PDE7B: variants seen among roughly 807,000 people sequenced by gnomAD.
PDE7B encodes phosphodiesterase 7B.
Under a neutral mutation model 56.2 loss-of-function variants are expected in PDE7B, and 29 were observed. The observed-to-expected ratio is 0.52, with a 90% confidence interval of 0.38 to 0.70. The LOEUF (loss-of-function observed/expected upper bound fraction) is 0.70. PDE7B is among the 30% of genes least tolerant of loss of function. PDE7B has a pLI of 0.00. For missense variants in PDE7B, 490 were observed against 565.0 expected (o/e 0.87, Z 1.35); for synonymous variants, 197 against 196.9 (o/e 1.00, Z 0.00).
At chr6:136,123,651 A>T (rs1008361995) in intron 3 of PDE7B, among the ~76,000 whole-genome samples, 2 of 152,246 alleles carry the variant, frequency 1.3e-5, no homozygotes, top group African/African-American at 4.8e-5. Flanking sequence ...CTCCTAACAC[A>T]AAAGCTATTT....
intron 9 of PDE7B, among the ~76,000 whole-genome samples, chr6:136,176,345 A>G (rs1212559034): frequency 1.3e-5 from 2 of 152,138 alleles, no homozygotes; most frequent in African/African-American, 4.8e-5. Context: ...ATAAAATATC[A>G]ACCATAATCC....
chr6:135,920,584 T>C (rs1422647060), intron 1 of PDE7B, among the ~76,000 whole-genome samples: 1 of 152,134 alleles, frequency 6.6e-6, no homozygotes, highest in African/African-American at 2.4e-5. Context: ...TAGAGCAAAG[T>C]CTCCATGAGT....
At chr6:136,183,204 C>A (rs1251669383) in intron 11 of PDE7B, among the ~76,000 whole-genome samples, 1 of 151,998 alleles carries the variant, frequency 6.6e-6, no homozygotes, top group Non-Finnish European at 1.5e-5. Flanking sequence ...ATGTACCTTC[C>A]TCTGGCATGT....
rs563022552 is a variant in PDE7B at position 136,082,332 on chromosome 6, TCAAA to T, written c.83-26396_83-26393del. 9.9e-5 allele frequency among the ~76,000 whole-genome samples: 15 copies of T among 152,184 alleles called. No individual in the cohort carries two copies. In the East Asian group the frequency reaches 1.5e-3, roughly 16 times the overall value. The stretch of plus-strand genomic sequence containing the variant: ...GCTGCAGTTACGGCACTTGAGGAGG[TCAAA>T]CAGTCCCTGTTGGAGAGACTGGAGA... On this transcript the variant is annotated intron_variant, in intron 2 of 12. Transcript: ENST00000308191.
chr6:136,168,752 C>T (rs573366295), intron 8 of PDE7B, among the ~76,000 whole-genome samples: 50 of 152,230 alleles, frequency 3.3e-4, no homozygotes, highest in African/African-American at 8.7e-4. Flanking sequence ...TCCCCCAAGA[C>T]GACCTAAATC....
At chr6:135,999,390 T>C (rs1775627364) in intron 2 of PDE7B, among the ~76,000 whole-genome samples, 1 of 152,070 alleles carries the variant, frequency 6.6e-6, no homozygotes, top group South Asian at 2.1e-4. Flanking sequence ...ACCCAATAGA[T>C]ACTTTTTTTT....
intron 1 of PDE7B, among the ~76,000 whole-genome samples, chr6:135,872,183 T>C (rs1025878924): frequency 6.6e-6 from 1 of 152,200 alleles, no homozygotes; most frequent in African/African-American, 2.4e-5. Context: ...GCAAGTTATC[T>C]TATGTAAATA....
At chr6:136,156,697 A>G (rs1366566262) in intron 8 of PDE7B, among the ~76,000 whole-genome samples, 1 of 152,182 alleles carries the variant, frequency 6.6e-6, no homozygotes, top group Admixed American at 6.5e-5. Flanking sequence ...TACCATACAG[A>G]TATCTTCAGT....
chr6:136,188,089 T>G (rs1779169211), intron 12 of PDE7B, among the ~76,000 whole-genome samples: 1 of 151,936 alleles, frequency 6.6e-6, no homozygotes, highest in African/African-American at 2.4e-5. Context: ...AAGCTGAAAA[T>G]TAAGAAAACC....
chr6:135,923,576 A>G (rs993626396), intron 1 of PDE7B, among the ~76,000 whole-genome samples: 9 of 152,200 alleles, frequency 5.9e-5, no homozygotes, highest in Non-Finnish European at 1.3e-4. Context: ...CCAATCTCAG[A>G]TAAAACATAA....
intron 1 of PDE7B, among the ~76,000 whole-genome samples, chr6:135,885,014 G>T (rs1010806370): frequency 2.0e-5 from 3 of 152,176 alleles, no homozygotes; most frequent in Non-Finnish European, 2.9e-5. Context: ...AAAGCCAGGG[G>T]GATTTCCATG....
At chr6:135,875,897 T>A (rs1479014999) in intron 1 of PDE7B, among the ~76,000 whole-genome samples, 1 of 152,208 alleles carries the variant, frequency 6.6e-6, no homozygotes, top group Non-Finnish European at 1.5e-5. Context: ...GACTTTGTGG[T>A]CATCTGTTAT....
chr6:135,944,531 A>G (rs1297895779), intron 1 of PDE7B, among the ~76,000 whole-genome samples: 1 of 152,188 alleles, frequency 6.6e-6, no homozygotes, highest in East Asian at 1.9e-4. Context: ...GCAATTTCCC[A>G]GACCTCCAGG....
chr6:135,920,073 G>T (rs1161172227), intron 1 of PDE7B, among the ~76,000 whole-genome samples: 1 of 152,034 alleles, frequency 6.6e-6, no homozygotes, highest in Non-Finnish European at 1.5e-5. Flanking sequence ...AGATAATGTT[G>T]AAACATTCAG....
intron 2 of PDE7B, among the ~76,000 whole-genome samples, chr6:135,985,212 A>G (rs4075416): frequency 0.48 from 72,731 of 151,800 alleles, 18,199 homozygotes; most frequent in African/African-American, 0.62. Flanking sequence ...AATGCCACTG[A>G]GGGAAAAAAA....
At chr6:136,144,702 C>CT (rs5880281) in intron 3 of PDE7B, among the ~76,000 whole-genome samples, 46,071 of 151,970 alleles carry the variant, frequency 0.3, 8,540 homozygotes, top group South Asian at 0.45. Context: ...CTAAGGCTGT[C>CT]TTTGTCTTTC....
intron 2 of PDE7B, among the ~76,000 whole-genome samples, chr6:136,081,010 A>G (rs769885255): frequency 6.6e-6 from 1 of 152,198 alleles, no homozygotes; most frequent in Non-Finnish European, 1.5e-5. Context: ...ATATCCCAGC[A>G]TAATGTTTGT....
At chr6:135,949,395 GT>G (rs754969715) in intron 2 of PDE7B, among the ~76,000 whole-genome samples, 34 of 151,968 alleles carry the variant, frequency 2.2e-4, no homozygotes, top group Non-Finnish European at 1.6e-4. Flanking sequence ...AGATTATGTG[GT>G]ATGGTTTATA....
At chr6:136,005,527 A>G (rs1775765588) in intron 2 of PDE7B, among the ~76,000 whole-genome samples, 1 of 152,254 alleles carries the variant, frequency 6.6e-6, no homozygotes, top group African/African-American at 2.4e-5. Flanking sequence ...AAACAACCCC[A>G]TTGAAAAGTG....
Sources: gnomAD v4.1 joint callset for allele counts (sites outside exome capture counted in the v4.1 genomes callset) on GRCh38, gnomAD v4.1.1 for gene constraint, MANE v1.5 for transcripts, NCBI Gene and HGNC (gene_info 2026-07-23, HGNC 2026-07-21) for gene names.